FOXN4: variants seen among roughly 807,000 people sequenced by gnomAD.
FOXN4 encodes the protein forkhead box protein N4.
FOXN4 carries 12 observed loss-of-function variants against 45.0 expected under a neutral mutation model. The observed-to-expected ratio is 0.27, with a 90% CI of 0.17 to 0.43. The LOEUF is 0.43. Among genes scored for constraint, FOXN4 ranks in the 20% least tolerant of loss-of-function variants. The probability of loss-of-function intolerance (pLI) is 1.00; values close to 1 mark genes in which losing one functional copy is unlikely to be tolerated. For missense variants in FOXN4, 560 were observed against 694.9 expected (o/e 0.81, Z 2.18); for synonymous variants, 297 against 295.0 (o/e 1.01, Z -0.07).
In FOXN4 at chr12:109,290,194, A is replaced by G. The variant is rs539013193; in HGVS notation, c.179T>C (p.Met60Thr). The change falls in exon 3 of 10, where the codon ATG (methionine) becomes ACG (threonine). Residue 60 changes from methionine (M) to threonine (T), a missense_variant. Physicochemically the swap from Met to Thr is moderately conservative, Grantham distance 81. Transcript: ENST00000299162. The surrounding 1 kb of genome is among the most constrained non-coding windows in gnomAD (Gnocchi z 5.1). ...ACCCAGGTCCACGCGGCCACTTGCCATCTGCTGCAGCCGAGGCACATCCAC... is the reference window on the plus strand; with the variant it reads ...ACCCAGGTCCACGCGGCCACTTGCCGTCTGCTGCAGCCGAGGCACATCCAC... ...TAVDVPRLQQ[M>T]ASGRVDLGGP... is the part of the protein sequence containing the mutation. 1 of 1,551,272 alleles carries G rather than the reference A, an allele frequency of 6.4e-7. No homozygotes were observed. Among genetic ancestry groups the G allele is most frequent in the Admixed American group, 2.0e-5 (1 of 50,972 alleles).
chr12:109,299,676 A>G (rs966216398), intron 2 of FOXN4, among the ~76,000 whole-genome samples: 1 of 152,210 alleles, frequency 6.6e-6, no homozygotes, highest in Non-Finnish European at 1.5e-5. Context: ...GACGGAACAC[A>G]TGGAGCATTC....
rs965346592 is a variant in FOXN4, at chr12:109,287,568, G to A, written c.469-44C>T. On this transcript the variant is annotated intron_variant, in intron 5 of 9. Transcript: ENST00000299162. The surrounding 1 kb of genome is among the most constrained non-coding windows in gnomAD (Gnocchi z 4.1). ...AGGGAGAAAGTGGCAGAGAAAGAGA[G>A]AAGGTGAGAAATAACATACGTCACT... is the stretch of plus-strand genomic sequence containing the variant. 14 of 1,485,832 alleles carry A rather than the reference G, an allele frequency of 9.4e-6. No homozygotes were observed. Among genetic ancestry groups the A allele is most frequent in the African/African-American group, 5.7e-5 (4 of 70,690 alleles). The allele number at this position is 1,485,832 out of a possible 1,614,324, so 92.0% of individuals were successfully genotyped here. A position where few individuals can be genotyped will look rare whatever the true frequency, so the allele number is the denominator to read the frequency against.
intron 2 of FOXN4, among the ~76,000 whole-genome samples, chr12:109,302,185 C>T (rs555758824): frequency 5.9e-5 from 9 of 152,298 alleles, no homozygotes; most frequent in African/African-American, 2.2e-4. Context: ...CAGCTCTGAG[C>T]CTTTCATTTG....
rs755492228 is a variant in FOXN4, at chr12:109,286,805, G to C, written c.597-61C>G. The C allele has an allele frequency of 1.4e-5, 21 of 1,544,960 alleles. No homozygotes were observed. The East Asian group carries it at 4.6e-4, about 34-fold the overall frequency. ...AGGACAGGGCAGGCCAGGCATGAAA[G>C]GGTCTCAGGCTGACAGCCCAATGCC... On this transcript the variant is annotated intron_variant, in intron 6 of 9. Coordinates refer to ENST00000299162, the MANE Select transcript of FOXN4 (RefSeq NM_213596.3).
chr12:109,302,797 C>T (rs2047879919), intron 2 of FOXN4, among the ~76,000 whole-genome samples: 1 of 152,194 alleles, frequency 6.6e-6, no homozygotes, highest in Admixed American at 6.5e-5. Context: ...GCGGCAACTC[C>T]GCCCTGATTA....
intron 8 of FOXN4, among the ~76,000 whole-genome samples, chr12:109,283,196 G>A (rs1396976878): frequency 1.3e-5 from 2 of 151,840 alleles, no homozygotes; most frequent in Admixed American, 6.6e-5. Flanking sequence ...AAAAGCAGAT[G>A]CAATCCTTTT....
In FOXN4 at chr12:109,288,035, A is replaced by C. The variant is rs968033048; in HGVS notation, c.357+21T>G. The C allele has an allele frequency of 1.2e-5, 18 of 1,550,086 alleles. No homozygotes were observed. In the African/African-American group the frequency reaches 2.2e-4, roughly 19 times the overall value. Reference sequence around the variant, plus strand: ...CTGGAGGGCACTACCCGCCCTCCGCAGTCCATGCAGTGCCACTTACGCTGT... The same window carrying C: ...CTGGAGGGCACTACCCGCCCTCCGCCGTCCATGCAGTGCCACTTACGCTGT... On this transcript the variant is annotated intron_variant, in intron 4 of 9. Coordinates refer to ENST00000299162, the MANE Select transcript of FOXN4 (RefSeq NM_213596.3). This position sits in a 1 kb window ranked among gnomAD's most constrained non-coding sequence, Gnocchi z 4.3.
At chr12:109,289,409 A>G (rs2136926166) in intron 3 of FOXN4, among the ~76,000 whole-genome samples, 1 of 152,366 alleles carries the variant, frequency 6.6e-6, no homozygotes, top group East Asian at 1.9e-4. Flanking sequence ...CCCTTGACAG[A>G]AAATTTGCTG....
rs1048696782 is a variant in FOXN4, at chr12:109,288,536, T to C, written c.233-356A>G. On this transcript the variant is annotated intron_variant, in intron 3 of 9. Coordinates refer to ENST00000299162, the MANE Select transcript of FOXN4 (RefSeq NM_213596.3). This position sits in a 1 kb window ranked among gnomAD's most constrained non-coding sequence, Gnocchi z 4.3. ...GTCAATAATAAATGATAATTGATTA[T>C]GTCCTTCATGAAGCTAAAACACCAA... Among the ~76,000 whole-genome samples the C allele has an allele frequency of 6.6e-6, 1 of 152,264 alleles. No individual in the cohort carries two copies. The highest frequency in any genetic ancestry group is 2.4e-5 in the African/African-American group (1 of 41,474).
At position 109,291,562 on chromosome 12, in the gene FOXN4, C is replaced by G. The variant is rs565012734; in HGVS notation, c.87-1276G>C. 3.9e-5 allele frequency among the ~76,000 whole-genome samples: 6 copies of G among 152,060 alleles called. No individual in the cohort carries two copies. Among genetic ancestry groups the G allele is most frequent in the African/African-American group, 7.2e-5 (3 of 41,422 alleles). ...CATCTGCTTGGCCAGCTCTGCCTCA[C>G]GTTCTCCCTCTCCCTCCTCCTCCCT... On this transcript the variant is annotated intron_variant, in intron 2 of 9. Transcript: ENST00000299162. The surrounding 1 kb of genome is among the most constrained non-coding windows in gnomAD (Gnocchi z 6.6).
chr12:109,308,936 C>CA, intron 1 of FOXN4, among the ~76,000 whole-genome samples, 183 bp downstream of exon 1: 1 of 152,132 alleles, frequency 6.6e-6, no homozygotes, highest in Admixed American at 6.5e-5. Context: ...AAGCCTGAAC[C>CA]AACATAAAAG....
Position 109,281,392 on chromosome 12 carries a change from T to A in FOXN4, c.1294+15A>T. 3 of 1,612,926 alleles carry A rather than the reference T, an allele frequency of 1.9e-6. No individual in the cohort carries two copies. Among genetic ancestry groups the A allele is most frequent in the Non-Finnish European group, 2.5e-6 (3 of 1,179,286 alleles). ...TCCCCATTCCATTCCCATCACTCCATTCCTCCAGCCTCACCCTGCAGAGCG... is the reference window on the plus strand; with the variant it reads ...TCCCCATTCCATTCCCATCACTCCAATCCTCCAGCCTCACCCTGCAGAGCG... On this transcript the variant is annotated intron_variant, in intron 9 of 9. Transcript: ENST00000299162.
At chr12:109,280,654 A>G (rs1389073605) in intron 9 of FOXN4, among the ~76,000 whole-genome samples, 1 of 152,122 alleles carries the variant, frequency 6.6e-6, no homozygotes, top group Non-Finnish European at 1.5e-5. Flanking sequence ...AAATATACCC[A>G]CTTCACAGCT....
Position 109,279,827 on chromosome 12 carries a change from G to A in FOXN4, c.1398C>T (p.Thr466=). The change falls in exon 10 of 10, where the codon ACC becomes ACT. Residue 466 remains threonine (T), a synonymous_variant. Transcript: ENST00000299162. ...LGCDLGASGL[T]PASGGSDQSF... is the part of the protein sequence containing the mutation. ...ACTGGTCGCTGCCACCCGAGGCAGG[G>A]GTTAGGCCTGAGGCCCCCAGGTCAC... 1 of 1,613,514 alleles carries A rather than the reference G, an allele frequency of 6.2e-7. No individual in the cohort carries two copies. The highest frequency in any genetic ancestry group is 8.5e-7 in the Non-Finnish European group (1 of 1,179,684).
intron 9 of FOXN4, among the ~76,000 whole-genome samples, chr12:109,280,744 C>G (rs762682021): frequency 3.3e-5 from 5 of 152,196 alleles, no homozygotes; most frequent in Non-Finnish European, 7.3e-5. Context: ...TTGGCTGGAA[C>G]ATAAGAGCTG....
At position 109,288,065 on chromosome 12, in the gene FOXN4, G is replaced by A; in HGVS notation, c.348C>T (p.His116=). Residue 116 remains histidine, a synonymous_variant, in exon 4 of 10, where the codon CAC becomes CAT. Transcript: ENST00000299162. This position sits in a 1 kb window ranked among gnomAD's most constrained non-coding sequence, Gnocchi z 4.3. ...ATGCAGTGCCACTTACGCTGTCTCT[G>A]TGGCCAGTTATGGGGCCCAGACCTG... ...GMPGLGPITG[H]RDSMSQFPVG... 6.5e-7 allele frequency: 1 copy of A among 1,550,108 alleles called. No individual in the cohort carries two copies. The highest frequency in any genetic ancestry group is 8.7e-7 in the Non-Finnish European group (1 of 1,146,560).
chr12:109,299,362 A>G (rs575031377), intron 2 of FOXN4, among the ~76,000 whole-genome samples: 113 of 151,496 alleles, frequency 7.5e-4, no homozygotes, highest in African/African-American at 2.6e-3. Context: ...ACATGTGTGC[A>G]CACACACGTG....
At chr12:109,301,634 G>C (rs2047869646) in intron 2 of FOXN4, among the ~76,000 whole-genome samples, 1 of 152,202 alleles carries the variant, frequency 6.6e-6, no homozygotes, top group African/African-American at 2.4e-5. Context: ...CTCTTTCTCA[G>C]CCTAAATGAT....
intron 2 of FOXN4, among the ~76,000 whole-genome samples, chr12:109,297,618 G>T (rs561009776): frequency 1.3e-5 from 2 of 152,328 alleles, no homozygotes; most frequent in East Asian, 3.9e-4. Flanking sequence ...GATTACAGGC[G>T]TGAGCCACGG....
Sources: gnomAD v4.1 joint callset for allele counts (sites outside exome capture counted in the v4.1 genomes callset) on GRCh38, gnomAD v4.1.1 for gene constraint, Gnocchi (gnomAD v3.1) non-coding constraint, MANE v1.5 for transcripts, NCBI Gene and HGNC (gene_info 2026-07-23, HGNC 2026-07-21) for gene names.